The following IKBKB-DT variants were observed in gnomAD, a reference collection of about 807,000 sequenced individuals.
IKBKB-DT encodes the protein IKBKB antisense RNA.
At chr8:42,266,517 A>C (rs1030979928) in intron 1 of IKBKB-DT, 1 of 152,328 alleles carries the variant, frequency 6.6e-6, no homozygotes, top group Non-Finnish European at 1.5e-5. Context: ...CAGTGCTCAG[A>C]AACCTTATCC....
rs552105114 is a variant in IKBKB-DT at position 42,271,244 on chromosome 8, C to T, written n.10G>A. The T allele has an allele frequency of 1.5e-5, 10 of 684,012 alleles. No homozygotes were observed. The East Asian group carries it at 2.2e-4, about 15-fold the overall frequency. 42.4% of individuals were successfully genotyped at this position (684,012 alleles called of 1,614,324 possible). ...GGCGCAGCACTCGCAGCATCCGGAC[C>T]TGGTCTGCCTCGCGCCGGGAGCGGC... is the stretch of plus-strand genomic sequence containing the variant. On this transcript the variant is annotated non_coding_transcript_exon_variant, in exon 1 of 4. Transcript: ENST00000518213.
exon 2 of IKBKB-DT, chr8:42,266,124 T>C (rs1025224059): frequency 3.9e-5 from 6 of 152,260 alleles, no homozygotes; most frequent in Non-Finnish European, 7.3e-5. Context: ...GAGGAGTTTT[T>C]GTCTGTTGAA....
chr8:42,256,392 T>C (rs1807200409), intron 3 of IKBKB-DT, among the ~76,000 whole-genome samples: 1 of 149,986 alleles, frequency 6.7e-6, no homozygotes. Flanking sequence ...TGAAACCCCG[T>C]TTCTACCAAA....
At chr8:42,250,351 A>G (rs1251474252) in intron 3 of IKBKB-DT, among the ~76,000 whole-genome samples, 2 of 152,162 alleles carry the variant, frequency 1.3e-5, no homozygotes, top group African/African-American at 4.8e-5. Context: ...CAAAAGGCCA[A>G]TCATTGGTTC....
intron 3 of IKBKB-DT, among the ~76,000 whole-genome samples, chr8:42,235,264 G>A (rs1422360784): frequency 6.9e-6 from 1 of 144,326 alleles, no homozygotes; most frequent in Admixed American, 7.0e-5. Flanking sequence ...GAGTGCAGTG[G>A]CACAATCTCA....
intron 3 of IKBKB-DT, among the ~76,000 whole-genome samples, chr8:42,259,484 T>C (rs1807252541): frequency 6.6e-6 from 1 of 152,210 alleles, no homozygotes. Context: ...ATGCAGTAAA[T>C]ATTTATCATT....
chr8:42,271,107 A>G, exon 1 of IKBKB-DT: 1 of 462,844 alleles, frequency 2.2e-6, no homozygotes, highest in Non-Finnish European at 3.9e-6. Flanking sequence ...GGGTCATTTC[A>G]GGGCTGTTCT....
intron 3 of IKBKB-DT, among the ~76,000 whole-genome samples, chr8:42,241,802 CAGG>C (rs1314248254): frequency 2.6e-5 from 4 of 152,212 alleles, no homozygotes; most frequent in African/African-American, 9.6e-5. Flanking sequence ...TTAATGCTGG[CAGG>C]AGAACACAAA....
At chr8:42,256,540 C>T (rs1807203162) in intron 3 of IKBKB-DT, among the ~76,000 whole-genome samples, 1 of 151,800 alleles carries the variant, frequency 6.6e-6, no homozygotes, top group Admixed American at 6.6e-5. Context: ...CCATTGCACT[C>T]CAACCTGGGC....
intron 3 of IKBKB-DT, among the ~76,000 whole-genome samples, chr8:42,234,643 A>G (rs1261307404): frequency 6.6e-6 from 1 of 151,940 alleles, no homozygotes; most frequent in Non-Finnish European, 1.5e-5. Context: ...TTTATTTTAT[A>G]TTTTGAGATG....
chr8:42,252,907 A>C (rs1807146552), intron 3 of IKBKB-DT, among the ~76,000 whole-genome samples: 1 of 152,260 alleles, frequency 6.6e-6, no homozygotes, highest in African/African-American at 2.4e-5. Context: ...GACAAAGAAG[A>C]AAGTTAAAAT....
At chr8:42,255,594 C>A (rs934539564) in intron 3 of IKBKB-DT, 1 of 152,148 alleles carries the variant, frequency 6.6e-6, no homozygotes, top group African/African-American at 2.4e-5. Flanking sequence ...AACCTTAGTT[C>A]CTTAAAACTG....
intron 3 of IKBKB-DT, among the ~76,000 whole-genome samples, chr8:42,238,670 C>T (rs1303921296): frequency 6.6e-6 from 1 of 152,168 alleles, no homozygotes; most frequent in Non-Finnish European, 1.5e-5. Flanking sequence ...GTTGTAGAAC[C>T]TAAGATTGGT....
chr8:42,234,930 A>G lies in IKBKB-DT; in HGVS notation n.1530-1071T>C, dbSNP rs982273637. 3.3e-5 allele frequency among the ~76,000 whole-genome samples: 5 copies of G among 152,236 alleles called. No homozygotes were observed. In the East Asian group the frequency reaches 7.7e-4, roughly 24 times the overall value. On this transcript the variant is annotated intron_variant and non_coding_transcript_variant, in intron 3 of 3. Transcript: ENST00000518213. Reference sequence around the variant, plus strand: ...CAGGCGTGAGCAACTGCGCTGGCCTATTTTATAGTTTAAATGATAATAGTC... The same window carrying G: ...CAGGCGTGAGCAACTGCGCTGGCCTGTTTTATAGTTTAAATGATAATAGTC...
chr8:42,268,182 T>C (rs1252288164), intron 1 of IKBKB-DT, among the ~76,000 whole-genome samples: 3 of 150,664 alleles, frequency 2.0e-5, no homozygotes, highest in Non-Finnish European at 4.4e-5. Context: ...TCGCCCAGGC[T>C]GGAGTGCAAT....
At chr8:42,249,091 G>C (rs973530614) in intron 3 of IKBKB-DT, 1 of 151,916 alleles carries the variant, frequency 6.6e-6, no homozygotes, top group African/African-American at 2.4e-5. Flanking sequence ...TTATTGGGCC[G>C]GGTGCAGTAG....
chr8:42,264,403 G>T lies in IKBKB-DT; in HGVS notation n.1386-931C>A, dbSNP rs142158324. Among the ~76,000 whole-genome samples the T allele has an allele frequency of 2.9e-3, 446 of 151,998 alleles. 5 individuals are homozygous for T. The highest frequency in any genetic ancestry group is 0.024 in the Middle Eastern group (7 of 294). ...ACTCCTGGGCTCAAGCAATCCTCCT[G>T]CCTGGGCTTCCCAATGTCCTGGGAT... On this transcript the variant is annotated intron_variant and non_coding_transcript_variant, in intron 2 of 3. Coordinates refer to ENST00000518213, the Ensembl canonical transcript of IKBKB-DT.
intron 3 of IKBKB-DT, among the ~76,000 whole-genome samples, chr8:42,236,933 C>CG (rs1263872749): frequency 1.3e-5 from 2 of 151,654 alleles, no homozygotes; most frequent in Non-Finnish European, 2.9e-5. Flanking sequence ...TTGCCCAGGC[C>CG]GGTCTTGAGC....
At chr8:42,241,593 A>C (rs1807004554) in intron 3 of IKBKB-DT, among the ~76,000 whole-genome samples, 1 of 152,216 alleles carries the variant, frequency 6.6e-6, no homozygotes, top group Non-Finnish European at 1.5e-5. Flanking sequence ...GACAATCAAC[A>C]GAGGCCAACG....
Sources: gnomAD v4.1 joint callset for allele counts (sites outside exome capture counted in the v4.1 genomes callset) on GRCh38, gnomAD v4.1.1 for gene constraint, MANE v1.5 for transcripts, NCBI Gene and HGNC (gene_info 2026-07-23, HGNC 2026-07-21) for gene names.